Variants in PGS1 observed in about 807,000 individuals in gnomAD.
PGS1 encodes the protein phosphatidylglycerophosphate synthase 1.
Under a neutral mutation model 58.3 loss-of-function variants are expected in PGS1, and 44 were observed. The ratio of observed to expected loss-of-function variants is 0.75; its 90% CI spans 0.59 to 0.97. The LOEUF (loss-of-function observed/expected upper bound fraction) is 0.97, where lower values mean the gene tolerates loss of function less well. PGS1 is among the 50% of genes least tolerant of loss of function. The probability of loss-of-function intolerance (pLI) is 0.00; values close to 1 mark genes in which losing one functional copy is unlikely to be tolerated. For missense variants in PGS1, 684 were observed against 731.1 expected, an observed-to-expected ratio of 0.94 and a Z score of 0.74; for synonymous variants, 330 against 311.0, an observed-to-expected ratio of 1.06 and a Z score of -0.64.
At position 78,378,939 on chromosome 17, in the gene PGS1, C is replaced by T. The variant is rs1430019325; in HGVS notation, c.143+131C>T. The T allele has an allele frequency of 9.8e-6, 10 of 1,017,580 alleles. No individual in the cohort carries two copies. In the Admixed American group the frequency reaches 2.1e-4, roughly 21 times the overall value. The allele number at this position is 1,017,580 out of a possible 1,614,324, so 63.0% of individuals were successfully genotyped here. A position where few individuals can be genotyped will look rare whatever the true frequency, so the allele number is the denominator to read the frequency against. On this transcript the variant is annotated intron_variant, in intron 1 of 9. Transcript: ENST00000262764. Reference sequence around the variant, plus strand: ...TCCCCGGTTTCCGGGCCCATTTCTGCCTCCCGGGGCTCGGCGCCTGACCTA... The same window carrying T: ...TCCCCGGTTTCCGGGCCCATTTCTGTCTCCCGGGGCTCGGCGCCTGACCTA...
intron 4 of PGS1, 38 bp from the exon 5 acceptor site, chr17:78,399,310 G>A (rs758053966): frequency 1.8e-5 from 28 of 1,564,234 alleles, no homozygotes; most frequent in Non-Finnish European, 2.3e-5. Context: ...ACGCCTTCCT[G>A]TTGTGAGTCA....
intron 1 of PGS1, among the ~76,000 whole-genome samples, chr17:78,390,062 T>TCCCCCCCCCCCCCCCC (rs1555628316): frequency 2.3e-5 from 3 of 128,602 alleles, no homozygotes; most frequent in Non-Finnish European, 3.3e-5. Context: ...TGTTGCCTGT[T>TCCCCCCCCCCCCCCCC]CCCCCGCCCC....
chr17:78,378,841 C>T, intron 1 of PGS1, 33 bp downstream of exon 1: 1 of 1,371,992 alleles, frequency 7.3e-7, no homozygotes, highest in Non-Finnish European at 9.4e-7. Flanking sequence ...GAGTGCAGCC[C>T]TCGCGGCTGC....
intron 8 of PGS1, 62 bp downstream of exon 8, chr17:78,415,089 C>T (rs1598380437): frequency 6.3e-7 from 1 of 1,586,222 alleles, no homozygotes; most frequent in Non-Finnish European, 8.6e-7. Context: ...CCCAGGCTCA[C>T]CCGTGCTGTG....
At chr17:78,402,879 G>T (rs1301511756) in intron 6 of PGS1, among the ~76,000 whole-genome samples, 1 of 152,098 alleles carries the variant, frequency 6.6e-6, no homozygotes, top group Admixed American at 6.5e-5. Flanking sequence ...TCTGATAATA[G>T]CATCTTTCCC....
intron 9 of PGS1, chr17:78,420,755 TAG>T (rs1270479682): frequency 6.6e-6 from 1 of 152,246 alleles, no homozygotes; most frequent in African/African-American, 2.4e-5. Context: ...TGTGCAAATG[TAG>T]AGAGTAAAAC....
intron 9 of PGS1, chr17:78,421,944 T>C (rs1285548137): frequency 7.4e-6 from 1 of 135,180 alleles, no homozygotes. Flanking sequence ...GCTTTCTAGG[T>C]GCGCGGGGCT....
At chr17:78,417,402 C>T (rs149658414) in intron 8 of PGS1, among the ~76,000 whole-genome samples, 17 of 152,280 alleles carry the variant, frequency 1.1e-4, no homozygotes, top group Non-Finnish European at 2.5e-4. Flanking sequence ...ACACGCGGGG[C>T]TGCGGGGCTG....
intron 7 of PGS1, among the ~76,000 whole-genome samples, chr17:78,404,914 C>T (rs2083995538): frequency 6.6e-6 from 1 of 152,122 alleles, no homozygotes; most frequent in South Asian, 2.1e-4. Flanking sequence ...CCTGCCTTGG[C>T]CTCCCAAAGT....
chr17:78,408,350 T>G (rs2084334298), intron 7 of PGS1, among the ~76,000 whole-genome samples: 1 of 152,350 alleles, frequency 6.6e-6, no homozygotes, highest in African/African-American at 2.4e-5. Flanking sequence ...AGCCTGGTTC[T>G]GAGTCCACAT....
chr17:78,388,677 C>T (rs2082584708), intron 1 of PGS1, among the ~76,000 whole-genome samples: 1 of 152,014 alleles, frequency 6.6e-6, no homozygotes, highest in Non-Finnish European at 1.5e-5. Flanking sequence ...TTCACACTTC[C>T]TGCCTGAAAC....
intron 9 of PGS1, among the ~76,000 whole-genome samples, chr17:78,423,483 T>TGCATGAAGCATCAGGC (rs2086144302): frequency 2.0e-5 from 3 of 152,148 alleles, no homozygotes; most frequent in Admixed American, 6.5e-5. Flanking sequence ...GCAGGTGGTT[T>TGCATGAAGCATCAGGC]GCATGAAGCA....
In PGS1 at chr17:78,400,710, C is replaced by T. The variant is rs756993537; in HGVS notation, c.735C>T (p.Arg245=). The part of the protein sequence containing the change: ...ANLSDSYFTN[R]QDRYVFLQDC... The stretch of plus-strand genomic sequence containing the variant: ...TGAGTGACTCCTACTTCACCAACCG[C>T]CAGGACCGCTACGTGTTCCTGCAGG... The change falls in exon 6 of 10, where the codon CGC becomes CGT. Residue 245 remains arginine, a synonymous_variant. Transcript: ENST00000262764. This position sits in a 1 kb window ranked among gnomAD's most constrained non-coding sequence, Gnocchi z 4.4. The T allele has an allele frequency of 1.9e-6, 3 of 1,614,034 alleles. No homozygotes were observed. The Admixed American group carries it at 5.0e-5, about 27-fold the overall frequency.
At position 78,424,443 on chromosome 17, in the gene PGS1, G is replaced by C. The variant is rs1281571482; in HGVS notation, c.*393G>C. On this transcript the variant is annotated 3_prime_UTR_variant, in exon 10 of 10. Transcript: ENST00000262764. ...GCCTCATCTGTCAGCCTTAATGTCA[G>C]TGGCAGGAAGTCATAACTCCAGCTA... is the stretch of plus-strand genomic sequence containing the variant. The C allele has an allele frequency of 5.3e-6, 2 of 376,756 alleles. No homozygotes were observed. The highest frequency in any genetic ancestry group is 4.0e-5 in the African/African-American group (2 of 50,058). 23.3% of individuals were successfully genotyped at this position (376,756 alleles called of 1,614,324 possible). A position where few individuals can be genotyped will look rare whatever the true frequency, so the allele number is the denominator to read the frequency against.
chr17:78,423,835 C>G lies in PGS1; in HGVS notation c.*11-226C>G. The G allele has an allele frequency of 3.2e-6, 5 of 1,561,918 alleles. No homozygotes were observed. In the South Asian group the frequency reaches 5.8e-5, roughly 18 times the overall value. On this transcript the variant is annotated intron_variant, in intron 9 of 9. Coordinates refer to ENST00000262764, the MANE Select transcript of PGS1 (RefSeq NM_024419.5). ...CCACCAGTTCCTGTAAAGAATAAGT[C>G]ACAGGTGCACAGGTGAAGGGCTGAG...
At chr17:78,390,188 G>A (rs1182552527) in intron 1 of PGS1, among the ~76,000 whole-genome samples, 2 of 151,760 alleles carry the variant, frequency 1.3e-5, no homozygotes, top group African/African-American at 4.8e-5. Context: ...AGGGTCCTTC[G>A]CTCTCCTCTC....
intron 4 of PGS1, 52 bp from the exon 5 acceptor site, chr17:78,399,296 C>T (rs2083472243): frequency 2.1e-6 from 3 of 1,449,960 alleles, no homozygotes; most frequent in Admixed American, 1.7e-5. Flanking sequence ...TCATTGGGGG[C>T]AGGACGCCTT....
At chr17:78,410,751 GT>G (rs976336384) in intron 7 of PGS1, among the ~76,000 whole-genome samples, 5 of 152,056 alleles carry the variant, frequency 3.3e-5, no homozygotes, top group African/African-American at 1.2e-4. Flanking sequence ...GGATTACGGG[GT>G]TGAGCCACTG....
chr17:78,382,117 A>G (rs7221708), intron 1 of PGS1, among the ~76,000 whole-genome samples: 3,761 of 152,080 alleles, frequency 0.025, 156 homozygotes, highest in African/African-American at 0.086. Context: ...GGTGAAGAAG[A>G]GGGGGAGTGG....
Sources: gnomAD v4.1 joint callset for allele counts (sites outside exome capture counted in the v4.1 genomes callset) on GRCh38, gnomAD v4.1.1 for gene constraint, Gnocchi (gnomAD v3.1) non-coding constraint, MANE v1.5 for transcripts, NCBI Gene and HGNC (gene_info 2026-07-23, HGNC 2026-07-21) for gene names.